Variants in PALLD observed in about 807,000 individuals in gnomAD.
PALLD encodes palladin.
PALLD carries 61 observed loss-of-function variants against 123.5 expected under a neutral mutation model. The ratio of observed to expected loss-of-function variants is 0.49; its 90% CI spans 0.40 to 0.61. The LOEUF is 0.61. Among genes scored for constraint, PALLD ranks in the 20% least tolerant of loss-of-function variants. The pLI is 0.00. For missense variants in PALLD, 1,273 were observed against 1,377.0 expected (o/e 0.92, Z 1.20); for synonymous variants, 465 against 496.4 (o/e 0.94, Z 0.84).
chr4:168,915,783 A>C, intron 16 of PALLD, 112 bp from the exon 17 acceptor site: 1 of 794,574 alleles, frequency 1.3e-6, no homozygotes, highest in Non-Finnish European at 2.1e-6. Context: ...TGTAGGGATC[A>C]GATAAGGAAA....
chr4:168,754,776 C>T lies in PALLD; in HGVS notation c.1964+42853C>T, dbSNP rs139921353. 6.7e-3 allele frequency among the ~76,000 whole-genome samples: 1,019 copies of T among 152,296 alleles called. 11 individuals carry two copies. Among genetic ancestry groups the T allele is most frequent in the African/African-American group, 0.023 (956 of 41,558 alleles). On this transcript the variant is annotated intron_variant, in intron 10 of 21. Transcript: ENST00000505667. ...TTCAAAGAATGCCTAGTGTGCATTGCTTAGTGCTCAACTGTGCTAAGCATT... is the reference window on the plus strand; with the variant it reads ...TTCAAAGAATGCCTAGTGTGCATTGTTTAGTGCTCAACTGTGCTAAGCATT...
intron 2 of PALLD, among the ~76,000 whole-genome samples, chr4:168,625,105 G>A (rs1775108308): frequency 6.6e-6 from 1 of 151,998 alleles, no homozygotes; most frequent in South Asian, 2.1e-4. Flanking sequence ...GAAGAGCAAT[G>A]AGAAACGATA....
intron 2 of PALLD, among the ~76,000 whole-genome samples, chr4:168,638,385 C>G (rs918876995): frequency 5.3e-5 from 8 of 152,054 alleles, no homozygotes; most frequent in African/African-American, 1.9e-4. Flanking sequence ...TGAGTACAGC[C>G]CCAGTCCTCT....
chr4:168,565,995 C>A (rs188586908), intron 2 of PALLD, among the ~76,000 whole-genome samples: 2 of 151,874 alleles, frequency 1.3e-5, no homozygotes, highest in Admixed American at 6.6e-5. Context: ...ACTCTTAGAA[C>A]TTTTGACCTG....
chr4:168,647,484 A>G (rs989914347), intron 2 of PALLD, among the ~76,000 whole-genome samples: 12 of 152,188 alleles, frequency 7.9e-5, no homozygotes, highest in Non-Finnish European at 1.6e-4. Flanking sequence ...AGTCTCTTAA[A>G]AAAGAGGTGG....
intron 11 of PALLD, among the ~76,000 whole-genome samples, chr4:168,892,688 T>C (rs1273451285): frequency 6.6e-6 from 1 of 151,852 alleles, no homozygotes; most frequent in Non-Finnish European, 1.5e-5. Context: ...TAAATACATA[T>C]GGGAACTTTT....
At chr4:168,855,612 G>A (rs542314245) in intron 10 of PALLD, among the ~76,000 whole-genome samples, 6 of 152,142 alleles carry the variant, frequency 3.9e-5, no homozygotes, top group Admixed American at 1.3e-4. Flanking sequence ...ATATGAATGG[G>A]ATGGCTACGT....
In PALLD at chr4:168,905,138, GTTTTTTTTTTTTT is replaced by G. The variant is rs777740588; in HGVS notation, c.2622+1250_2622+1262del. Among the ~76,000 whole-genome samples the G allele has an allele frequency of 6.7e-4, 23 of 34,524 alleles. 2 individuals carry two copies. The highest frequency in any genetic ancestry group is 9.9e-4 in the Non-Finnish European group (14 of 14,186). 22.6% of individuals were successfully genotyped at this position (34,524 alleles called of 152,430 possible). On this transcript the variant is annotated intron_variant, in intron 15 of 21. Transcript: ENST00000505667. ...TGAGACTTTGTTTTTTGTTTTGTTGGTTTTTTTTTTTTTTTTTTTTTTTTTTTTTTGAGATGGA... is the reference window on the plus strand; with the variant it reads ...TGAGACTTTGTTTTTTGTTTTGTTGGTTTTTTTTTTTTTTTTTGAGATGGA...
intron 2 of PALLD, among the ~76,000 whole-genome samples, chr4:168,545,803 A>G (rs968127876): frequency 3.9e-5 from 6 of 152,206 alleles, no homozygotes; most frequent in Admixed American, 2.0e-4. Flanking sequence ...CAGTTTATCA[A>G]TATATAATAT....
At chr4:168,615,253 C>T (rs865927503) in intron 2 of PALLD, among the ~76,000 whole-genome samples, 10 of 151,894 alleles carry the variant, frequency 6.6e-5, no homozygotes, top group African/African-American at 2.2e-4. Context: ...CAGTTTCACA[C>T]ACTTTCTGTC....
At chr4:168,792,342 A>G (rs1737649338) in intron 10 of PALLD, among the ~76,000 whole-genome samples, 1 of 152,068 alleles carries the variant, frequency 6.6e-6, no homozygotes, top group Admixed American at 6.5e-5. Context: ...AAAATAGGAG[A>G]GTAATTTTAC....
At chr4:168,755,141 G>A (rs1731631600) in intron 10 of PALLD, among the ~76,000 whole-genome samples, 2 of 151,630 alleles carry the variant, frequency 1.3e-5, no homozygotes, top group South Asian at 2.1e-4. Context: ...GCTGAGGCAG[G>A]AGAATGGCAT....
chr4:168,591,631 A>C (rs759045118), intron 2 of PALLD, among the ~76,000 whole-genome samples: 3 of 152,178 alleles, frequency 2.0e-5, no homozygotes, highest in Non-Finnish European at 2.9e-5. Flanking sequence ...CAATAACATC[A>C]ACTCAAAGTT....
chr4:168,829,884 C>CT lies in PALLD; in HGVS notation c.1965-61035dup, dbSNP rs1425676794. ...CTCAAAAATGCAAGAGATGATAATG[C>CT]TTTGTATTATCCCCAGAAAGATGAC... On this transcript the variant is annotated intron_variant, in intron 10 of 21. Coordinates refer to ENST00000505667, the MANE Select transcript of PALLD (RefSeq NM_001166108.2). 4.6e-5 allele frequency among the ~76,000 whole-genome samples: 7 copies of CT among 152,160 alleles called. No individual in the cohort carries two copies. In the East Asian group the frequency reaches 1.3e-3, roughly 29 times the overall value.
intron 8 of PALLD, chr4:168,700,026 A>G (rs1431676404): frequency 6.6e-6 from 2 of 303,224 alleles, no homozygotes; most frequent in African/African-American, 2.2e-5. Context: ...CAGATGTCTT[A>G]TACGTCTTTG....
chr4:168,767,444 T>A (rs557763637), intron 10 of PALLD, among the ~76,000 whole-genome samples: 2 of 152,186 alleles, frequency 1.3e-5, no homozygotes, highest in Non-Finnish European at 2.9e-5. Flanking sequence ...AGAGATAACA[T>A]TGTTAACTTA....
intron 10 of PALLD, among the ~76,000 whole-genome samples, chr4:168,789,275 C>T (rs1737175194): frequency 6.6e-6 from 1 of 152,114 alleles, no homozygotes; most frequent in African/African-American, 2.4e-5. Context: ...TGCTACTGTG[C>T]AATGGGAAGA....
chr4:168,789,446 C>T (rs1399182997), intron 10 of PALLD, among the ~76,000 whole-genome samples: 2 of 152,206 alleles, frequency 1.3e-5, no homozygotes, highest in Non-Finnish European at 2.9e-5. Flanking sequence ...GTGGCTCACG[C>T]CTGTAATCCC....
rs78888686 is a variant in PALLD at position 168,715,375 on chromosome 4, G to A, written c.1964+3452G>A. ...GCCTTACCACCCGCTGTGGGACTGC[G>A]AAGTGTGCTTAAACGCTGCACAAGA... On this transcript the variant is annotated intron_variant, in intron 10 of 21. Transcript: ENST00000505667. Among the ~76,000 whole-genome samples, 799 of 152,324 alleles carry A rather than the reference G, an allele frequency of 5.2e-3. 8 individuals are homozygous for A. The highest frequency in any genetic ancestry group is 0.018 in the African/African-American group (738 of 41,566).
Sources: allele counts gnomAD v4.1 joint callset (sites outside exome capture counted in the v4.1 genomes callset), GRCh38; gene constraint gnomAD v4.1.1; transcripts MANE v1.5; gene names NCBI Gene and HGNC (gene_info 2026-07-23, HGNC 2026-07-21).